Variants in DLGAP1 observed in about 807,000 individuals in gnomAD.
The protein encoded by DLGAP1 is disks large-associated protein 1.
Under a neutral mutation model 90.8 loss-of-function variants are expected in DLGAP1, and 11 were observed. The ratio of observed to expected loss-of-function variants is 0.12; its 90% CI spans 0.08 to 0.20. The LOEUF is 0.20. DLGAP1 is among the 10% of genes least tolerant of loss of function. DLGAP1 has a pLI of 1.00. For synonymous variants in DLGAP1, 558 were observed against 540.7 expected (o/e 1.03, Z -0.44); for missense variants, 1,050 against 1,333.8 (o/e 0.79, Z 3.31).
At chr18:4,368,636 TACACACACACACACACAC>T (rs55840615) in intron 1 of DLGAP1, among the ~76,000 whole-genome samples, 17 of 134,932 alleles carry the variant, frequency 1.3e-4, no homozygotes, top group East Asian at 6.5e-4. Flanking sequence ...CTCTCTCTCA[TACACACACACACACACAC>T]ACACACACAC....
intron 4 of DLGAP1, among the ~76,000 whole-genome samples, chr18:3,819,220 G>A (rs1000157316): frequency 6.6e-6 from 1 of 152,022 alleles, no homozygotes; most frequent in Non-Finnish European, 1.5e-5. Flanking sequence ...TGAAGCAGGA[G>A]AATCGCTTGA....
chr18:3,588,604 A>T (rs973326641), intron 7 of DLGAP1, among the ~76,000 whole-genome samples: 2 of 151,324 alleles, frequency 1.3e-5, no homozygotes, highest in Admixed American at 6.6e-5. Flanking sequence ...ACATGTTGAA[A>T]CCCCATCTCT....
Position 3,928,495 on chromosome 18 carries a change from ATAATT to A in DLGAP1, c.-72-48360_-72-48356del, listed in dbSNP as rs1055277454. ...AGTGAAGAGAGAAGAAAATATACTA[ATAATT>A]TAATAGTGATGATGATAATAAGAAT... On this transcript the variant is annotated intron_variant, in intron 3 of 12. Transcript: ENST00000315677. 9.2e-5 allele frequency among the ~76,000 whole-genome samples: 14 copies of A among 152,314 alleles called. 1 individual carries two copies. Among genetic ancestry groups the A allele is most frequent in the African/African-American group, 2.6e-4 (11 of 41,562 alleles).
rs140780674 is a variant in DLGAP1, at chr18:3,888,806, GA to G, written c.-72-8667del. ...TGTGAAGATAATCCAGGCAGTAAAC[GA>G]TAAAATCTCCTAATCTTATTTTGGA... On this transcript the variant is annotated intron_variant, in intron 3 of 12. Coordinates refer to ENST00000315677, the MANE Select transcript of DLGAP1 (RefSeq NM_004746.4). 2.7e-3 allele frequency among the ~76,000 whole-genome samples: 414 copies of G among 152,300 alleles called. 4 individuals are homozygous for G. Among genetic ancestry groups the G allele is most frequent in the African/African-American group, 9.6e-3 (399 of 41,564 alleles).
chr18:3,623,766 G>A (rs1290081979), intron 7 of DLGAP1, among the ~76,000 whole-genome samples: 1 of 104,208 alleles, frequency 9.6e-6, no homozygotes, highest in Non-Finnish European at 1.8e-5. Context: ...GACAGAGCAA[G>A]ACTCCGTCTC....
intron 5 of DLGAP1, among the ~76,000 whole-genome samples, chr18:3,761,070 C>T (rs2063942051): frequency 6.6e-6 from 1 of 152,204 alleles, no homozygotes; most frequent in Non-Finnish European, 1.5e-5. Context: ...GCTCCCCCTT[C>T]ATTGTGGCAA....
In DLGAP1 at chr18:4,383,433, A is replaced by C. The variant is rs572469066; in HGVS notation, c.-267+71573T>G. Among the ~76,000 whole-genome samples the C allele has an allele frequency of 3.8e-4, 58 of 152,216 alleles. No individual in the cohort carries two copies. Among genetic ancestry groups the C allele is most frequent in the African/African-American group, 1.3e-3 (56 of 41,558 alleles). On this transcript the variant is annotated intron_variant, in intron 1 of 12. Coordinates refer to ENST00000315677, the MANE Select transcript of DLGAP1 (RefSeq NM_004746.4). The surrounding 1 kb of genome is among the most constrained non-coding windows in gnomAD (Gnocchi z 4.0). The stretch of plus-strand genomic sequence containing the variant: ...AAATTTTGAAAATATAATCCTAATA[A>C]AATGGGCATGTAAGATATCTCCCTC...
intron 1 of DLGAP1, among the ~76,000 whole-genome samples, chr18:4,255,272 C>G (rs2078865504): frequency 6.6e-6 from 1 of 152,098 alleles, no homozygotes; most frequent in Non-Finnish European, 1.5e-5. Flanking sequence ...TATGAAAACT[C>G]ATTTTCATTA....
chr18:4,177,351 A>AACACACAC lies in DLGAP1; in HGVS notation c.-266-26072_-266-26065dup, dbSNP rs34299932. On this transcript the variant is annotated intron_variant, in intron 1 of 12. Transcript: ENST00000315677. Reference sequence around the variant, plus strand: ...AATACATATGCCTTGACTTTCTTTGAACACACACACACACACACACACACA... The same window carrying AACACACAC: ...AATACATATGCCTTGACTTTCTTTGAACACACACACACACACACACACACACACACACA... Among the ~76,000 whole-genome samples the AACACACAC allele has an allele frequency of 1.8e-3, 255 of 141,654 alleles. 2 individuals carry two copies. The highest frequency in any genetic ancestry group is 0.013 in the South Asian group (56 of 4,248). 92.9% of individuals were successfully genotyped at this position (141,654 alleles called of 152,430 possible).
rs562546219 is a variant in DLGAP1, at chr18:3,576,636, C to T, written c.1965+5239G>A. Among the ~76,000 whole-genome samples the T allele has an allele frequency of 6.6e-5, 10 of 150,920 alleles. No individual in the cohort carries two copies. The South Asian group carries it at 1.9e-3, about 28-fold the overall frequency. On this transcript the variant is annotated intron_variant, in intron 8 of 12. Coordinates refer to ENST00000315677, the MANE Select transcript of DLGAP1 (RefSeq NM_004746.4). ...CTGGAGTGCAATGGCGCGATCTTGGCTCACTGCAACCTTCGCCTCCCAGGT... is the reference window on the plus strand; with the variant it reads ...CTGGAGTGCAATGGCGCGATCTTGGTTCACTGCAACCTTCGCCTCCCAGGT...
At chr18:3,798,601 T>C (rs891984273) in intron 5 of DLGAP1, among the ~76,000 whole-genome samples, 3 of 152,178 alleles carry the variant, frequency 2.0e-5, no homozygotes, top group Non-Finnish European at 4.4e-5. Context: ...TACCCTGGTC[T>C]CTGAGCGTAT....
intron 3 of DLGAP1, among the ~76,000 whole-genome samples, chr18:3,975,771 C>T (rs1242825558): frequency 3.3e-5 from 5 of 152,160 alleles, no homozygotes; most frequent in Admixed American, 6.5e-5. Flanking sequence ...ACACATCCTA[C>T]GACATGGATG....
rs370763348 is a variant in DLGAP1 at position 3,588,185 on chromosome 18, C to G, written c.1592-5937G>C. Among the ~76,000 whole-genome samples, 26 of 152,294 alleles carry G rather than the reference C, an allele frequency of 1.7e-4. No homozygotes were observed. In the East Asian group the frequency reaches 4.1e-3, roughly 24 times the overall value. On this transcript the variant is annotated intron_variant, in intron 7 of 12. Transcript: ENST00000315677. Reference sequence around the variant, plus strand: ...GAAGTTATATATTTTTGGGGCCGGGCGCTGTGGCTCACGCCTGTAATCCCA... The same window carrying G: ...GAAGTTATATATTTTTGGGGCCGGGGGCTGTGGCTCACGCCTGTAATCCCA...
At chr18:3,874,250 C>T (rs1197291682) in intron 4 of DLGAP1, 1 of 1,549,890 alleles carries the variant, frequency 6.5e-7, no homozygotes, top group Non-Finnish European at 8.7e-7. Context: ...AAAATTTCAT[C>T]TCTGGGAGTG....
chr18:4,041,986 T>C (rs866762063), intron 2 of DLGAP1, among the ~76,000 whole-genome samples: 2 of 152,218 alleles, frequency 1.3e-5, no homozygotes, highest in South Asian at 2.1e-4. Context: ...TTGAGCTGAT[T>C]TTTATAAAGA....
intron 7 of DLGAP1, among the ~76,000 whole-genome samples, chr18:3,609,237 T>C (rs112633233): frequency 6.6e-6 from 1 of 152,134 alleles, no homozygotes; most frequent in African/African-American, 2.4e-5. Context: ...TGTAGAGATA[T>C]GGTCTCACTA....
intron 4 of DLGAP1, among the ~76,000 whole-genome samples, chr18:3,827,550 G>C (rs1015561262): frequency 3.9e-5 from 6 of 152,156 alleles, no homozygotes; most frequent in Admixed American, 1.3e-4. Context: ...TATCTTCCCA[G>C]CAAGATGCAA....
intron 1 of DLGAP1, among the ~76,000 whole-genome samples, chr18:4,297,995 G>A (rs2080027179): frequency 6.6e-6 from 1 of 152,110 alleles, no homozygotes; most frequent in African/African-American, 2.4e-5. Context: ...GCTTTTCTGT[G>A]AGTCATAAGG....
chr18:3,605,721 C>G (rs16945118), intron 7 of DLGAP1, among the ~76,000 whole-genome samples: 11,650 of 152,278 alleles, frequency 0.077, 627 homozygotes, highest in Non-Finnish European at 0.12. Context: ...GAACTCTGAT[C>G]TCTAAAATCC....
Sources: gnomAD v4.1 joint callset for allele counts (sites outside exome capture counted in the v4.1 genomes callset) on GRCh38, gnomAD v4.1.1 for gene constraint, Gnocchi (gnomAD v3.1) non-coding constraint, MANE v1.5 for transcripts, NCBI Gene and HGNC (gene_info 2026-07-23, HGNC 2026-07-21) for gene names.